Variants in ABCA13 observed in about 807,000 individuals in gnomAD.
ABCA13 encodes the protein ATP binding cassette subfamily A member 13.
ABCA13 carries 476 observed loss-of-function variants against 478.7 expected under a neutral mutation model. The observed-to-expected ratio is 0.99, with a 90% CI of 0.92 to 1.07. The LOEUF is 1.07. Ranked by LOEUF, ABCA13 falls within the 50% of genes least tolerant of loss-of-function variation. ABCA13 has a pLI of 0.00. For synonymous variants in ABCA13, 2,252 were observed against 2,158.9 expected (o/e 1.04, Z -1.20); for missense variants, 6,060 against 5,910.6 (o/e 1.03, Z -0.83).
At chr7:48,347,535 A>G (rs1409453769) in intron 29 of ABCA13, among the ~76,000 whole-genome samples, 1 of 152,214 alleles carries the variant, frequency 6.6e-6, no homozygotes, top group African/African-American at 2.4e-5. Context: ...GAGAAAACAG[A>G]CAAGAAATGT....
intron 37 of ABCA13, 86 bp downstream of exon 37, chr7:48,389,306 T>C (rs1815680320): frequency 6.9e-7 from 1 of 1,439,982 alleles, no homozygotes; most frequent in South Asian, 1.4e-5. Context: ...TTTGATTTCT[T>C]TTCCTTTTTT....
chr7:48,262,730 G>T (rs534280078), intron 15 of ABCA13, among the ~76,000 whole-genome samples: 2 of 152,022 alleles, frequency 1.3e-5, no homozygotes, highest in Non-Finnish European at 2.9e-5. Flanking sequence ...CACACATTTA[G>T]AGGTGTATGT....
At chr7:48,635,056 G>A (rs991917132) in intron 59 of ABCA13, among the ~76,000 whole-genome samples, 10 of 151,932 alleles carry the variant, frequency 6.6e-5, no homozygotes, top group African/African-American at 2.2e-4. Flanking sequence ...ATTTGCCACT[G>A]GGAGGGCTCC....
At chr7:48,424,933 C>T (rs1226812941) in intron 41 of ABCA13, among the ~76,000 whole-genome samples, 11 of 152,206 alleles carry the variant, frequency 7.2e-5, no homozygotes, top group Admixed American at 6.5e-4. Flanking sequence ...CAGAGCCTCC[C>T]GGACAGCCTG....
intron 38 of ABCA13, among the ~76,000 whole-genome samples, chr7:48,396,567 C>G (rs1224919293): frequency 6.6e-6 from 1 of 152,152 alleles, no homozygotes; most frequent in African/African-American, 2.4e-5. Context: ...TACGTTGTAG[C>G]ATGTGGGCAT....
intron 48 of ABCA13, among the ~76,000 whole-genome samples, chr7:48,489,649 A>C (rs1829667219): frequency 6.6e-6 from 1 of 152,238 alleles, no homozygotes; most frequent in Non-Finnish European, 1.5e-5. Context: ...AGAAGCAAGA[A>C]AAATTTTACC....
At chr7:48,613,328 A>G (rs1918605) in intron 58 of ABCA13, among the ~76,000 whole-genome samples, 63,293 of 151,620 alleles carry the variant, frequency 0.42, 13,808 homozygotes, top group African/African-American at 0.53. Flanking sequence ...AGCTGGGATT[A>G]CAGGTGCCCC....
intron 3 of ABCA13, among the ~76,000 whole-genome samples, chr7:48,211,215 A>G (rs1450462505): frequency 1.3e-5 from 2 of 152,200 alleles, no homozygotes; most frequent in African/African-American, 2.4e-5. Context: ...ATTTATTCCA[A>G]TCTTTGCAGT....
At chr7:48,198,510 T>C in intron 3 of ABCA13, 150 bp downstream of exon 3, 1 of 918,912 alleles carries the variant, frequency 1.1e-6, no homozygotes, top group Non-Finnish European at 1.5e-6. Flanking sequence ...CAGAGTCATA[T>C]AATTCTGCCT....
chr7:48,188,691 G>A (rs993280207), intron 1 of ABCA13, among the ~76,000 whole-genome samples: 1 of 151,802 alleles, frequency 6.6e-6, no homozygotes, highest in Non-Finnish European at 1.5e-5. Context: ...AAAAGTCTGT[G>A]AGGAAGTTTC....
chr7:48,566,683 T>C (rs1035454941), intron 55 of ABCA13, among the ~76,000 whole-genome samples: 9 of 152,144 alleles, frequency 5.9e-5, no homozygotes, highest in Non-Finnish European at 2.9e-5. Context: ...CCATCTGGAT[T>C]ATAAGAAGAC....
chr7:48,245,748 A>T, intron 12 of ABCA13, 115 bp from the exon 13 acceptor site: 3 of 1,441,708 alleles, frequency 2.1e-6, no homozygotes, highest in Non-Finnish European at 1.9e-6. Context: ...TCAAAACTTT[A>T]TGTTGTGTTT....
intron 53 of ABCA13, among the ~76,000 whole-genome samples, chr7:48,521,390 A>C (rs1329527248): frequency 6.6e-6 from 1 of 152,190 alleles, no homozygotes; most frequent in African/African-American, 2.4e-5. Context: ...CTCTTCATAG[A>C]ATTATTTTTC....
At chr7:48,206,750 A>T (rs1784978906) in intron 3 of ABCA13, among the ~76,000 whole-genome samples, 5 of 151,990 alleles carry the variant, frequency 3.3e-5, no homozygotes, top group Non-Finnish European at 7.4e-5. Context: ...CAGGGTAATC[A>T]GGATATCCAT....
intron 59 of ABCA13, among the ~76,000 whole-genome samples, chr7:48,615,835 G>T (rs1792515671): frequency 6.6e-6 from 1 of 152,148 alleles, no homozygotes; most frequent in Non-Finnish European, 1.5e-5. Flanking sequence ...GGTAGGAGAG[G>T]GTTGTTATGG....
intron 42 of ABCA13, among the ~76,000 whole-genome samples, chr7:48,444,122 T>C (rs189345407): frequency 6.6e-5 from 10 of 152,336 alleles, no homozygotes; most frequent in African/African-American, 2.4e-4. Context: ...CATTGCTCTC[T>C]GTTTTCAATG....
intron 45 of ABCA13, among the ~76,000 whole-genome samples, chr7:48,478,464 G>C (rs1391811685): frequency 6.6e-6 from 1 of 151,912 alleles, no homozygotes; most frequent in Non-Finnish European, 1.5e-5. Flanking sequence ...TGGAGAAAAG[G>C]CATATGAATT....
At chr7:48,586,672 A>G (rs113539532) in intron 56 of ABCA13, among the ~76,000 whole-genome samples, 3 of 152,266 alleles carry the variant, frequency 2.0e-5, no homozygotes, top group African/African-American at 7.2e-5. Flanking sequence ...CCCAAACCTC[A>G]GTGTCACACA....
chr7:48,391,895 C>T, intron 37 of ABCA13, 26 bp from the exon 38 acceptor site: 1 of 1,605,828 alleles, frequency 6.2e-7, no homozygotes, highest in Non-Finnish European at 8.5e-7. Flanking sequence ...CGCGTATTCT[C>T]CATGCTGTCT....
Sources: allele counts gnomAD v4.1 joint callset (sites outside exome capture counted in the v4.1 genomes callset), GRCh38; gene constraint gnomAD v4.1.1; transcripts MANE v1.5; gene names NCBI Gene and HGNC (gene_info 2026-07-23, HGNC 2026-07-21).